The following DNAH12 variants were observed in gnomAD, a reference collection of about 807,000 sequenced individuals.
DNAH12 encodes the protein dynein axonemal heavy chain 12.
A neutral mutation model predicts 371.5 loss-of-function variants in DNAH12; 285 were observed. The observed-to-expected ratio is 0.77, with a 90% CI of 0.70 to 0.85. The LOEUF (loss-of-function observed/expected upper bound fraction) is 0.85, where lower values mean the gene tolerates loss of function less well. Among genes scored for constraint, DNAH12 ranks in the 40% least tolerant of loss-of-function variants. The probability of loss-of-function intolerance (pLI) is 0.00; values close to 1 mark genes in which losing one functional copy is unlikely to be tolerated. For synonymous variants in DNAH12, 1,200 were observed against 1,213.0 expected, an observed-to-expected ratio of 0.99 and a Z score of 0.22; for missense variants, 3,611 against 3,689.4, an observed-to-expected ratio of 0.98 and a Z score of 0.55.
intron 30 of DNAH12, among the ~76,000 whole-genome samples, chr3:57,435,373 C>CAAAAAAAAAAAAAAAAAAAAAAA (rs34515598): frequency 1.5e-4 from 14 of 94,746 alleles, no homozygotes; most frequent in South Asian, 3.7e-4. Flanking sequence ...CTCTGTCTCC[C>CAAAAAAAAAAAAAAAAAAAAAAA]AAAAAAAAAA....
rs916842549 is a variant in DNAH12, at chr3:57,523,943, C to T, written c.171-59G>A. On this transcript the variant is annotated intron_variant, in intron 2 of 73. Coordinates refer to ENST00000495027, the MANE Select transcript of DNAH12 (RefSeq NM_001366028.2). ...ATAACATTAGCATAAGTTACTAAAA[C>T]ATTACAATTTAAGCATTTTTCCAAC... 4.8e-6 allele frequency: 6 copies of T among 1,257,272 alleles called. No homozygotes were observed. In the South Asian group the frequency reaches 5.9e-5, roughly 12 times the overall value. The allele number at this position is 1,257,272 out of a possible 1,614,324, so 77.9% of individuals were successfully genotyped here. A position where few individuals can be genotyped will look rare whatever the true frequency, so the allele number is the denominator to read the frequency against.
intron 13 of DNAH12, among the ~76,000 whole-genome samples, chr3:57,474,578 G>T (rs148066194): frequency 1.9e-3 from 282 of 152,288 alleles, no homozygotes; most frequent in African/African-American, 5.7e-3. Flanking sequence ...TTTTAGGCAT[G>T]AGCCACTGTG....
chr3:57,317,765 G>A (rs1486768003), intron 65 of DNAH12, among the ~76,000 whole-genome samples: 1 of 152,068 alleles, frequency 6.6e-6, no homozygotes, highest in African/African-American at 2.4e-5. Context: ...CTTAATGGCT[G>A]CACCACTTTG....
chr3:57,299,495 G>GTT (rs139762284), intron 70 of DNAH12, among the ~76,000 whole-genome samples: 36 of 150,138 alleles, frequency 2.4e-4, no homozygotes, highest in African/African-American at 5.6e-4. Context: ...TGTGCAAAAA[G>GTT]TTTTTTTTTT....
intron 13 of DNAH12, among the ~76,000 whole-genome samples, chr3:57,474,283 A>G (rs2066454888): frequency 6.6e-6 from 1 of 152,208 alleles, no homozygotes; most frequent in Admixed American, 6.5e-5. Flanking sequence ...TTTAAAATAT[A>G]TAAAAATATT....
At chr3:57,337,815 C>A (rs1156432423) in intron 60 of DNAH12, among the ~76,000 whole-genome samples, 10 of 152,132 alleles carry the variant, frequency 6.6e-5, no homozygotes, top group Admixed American at 5.9e-4. Context: ...TTGGACAGAT[C>A]ATCTAGACAG....
At chr3:57,501,023 C>A (rs1334624165) in intron 11 of DNAH12, among the ~76,000 whole-genome samples, 1 of 152,206 alleles carries the variant, frequency 6.6e-6, no homozygotes, top group Admixed American at 6.5e-5. Context: ...TCAAGCAATC[C>A]TCTTGCCTTG....
intron 39 of DNAH12, among the ~76,000 whole-genome samples, chr3:57,413,250 G>T (rs1195020361): frequency 2.6e-5 from 4 of 152,128 alleles, no homozygotes; most frequent in African/African-American, 7.2e-5. Flanking sequence ...ACTATAGAGA[G>T]AAAAAGAAAT....
At chr3:57,415,323 T>C in intron 38 of DNAH12, 103 bp downstream of exon 38, 2 of 1,404,176 alleles carry the variant, frequency 1.4e-6, no homozygotes, top group Non-Finnish European at 9.5e-7. Context: ...AAGTTTTAAA[T>C]TCATAGATTT....
At chr3:57,455,380 G>T (rs2065874507) in intron 22 of DNAH12, among the ~76,000 whole-genome samples, 1 of 151,394 alleles carries the variant, frequency 6.6e-6, no homozygotes, top group African/African-American at 2.4e-5. Context: ...CCTGGCCAAT[G>T]TGGTGAAACC....
At chr3:57,439,659 A>T (rs1196632199) in intron 29 of DNAH12, among the ~76,000 whole-genome samples, 1 of 152,228 alleles carries the variant, frequency 6.6e-6, no homozygotes, top group East Asian at 1.9e-4. Flanking sequence ...CCTCAAAAGC[A>T]ATCGCTACAA....
intron 12 of DNAH12, among the ~76,000 whole-genome samples, chr3:57,488,809 C>T (rs2067021652): frequency 6.6e-6 from 1 of 152,008 alleles, no homozygotes; most frequent in African/African-American, 2.4e-5. Flanking sequence ...ATTGGTTGAG[C>T]ACTGGGTGAA....
chr3:57,527,403 A>G (rs959974088), intron 2 of DNAH12, among the ~76,000 whole-genome samples: 4 of 152,210 alleles, frequency 2.6e-5, no homozygotes, highest in Non-Finnish European at 4.4e-5. Context: ...TAAAGAAAAG[A>G]GGTTTAATTG....
At chr3:57,320,116 C>T (rs1174591045) in intron 65 of DNAH12, among the ~76,000 whole-genome samples, 1 of 152,142 alleles carries the variant, frequency 6.6e-6, no homozygotes, top group Non-Finnish European at 1.5e-5. Context: ...TTTAGTGAAT[C>T]AGAATTCCAG....
rs1245515452 is a variant in DNAH12 at position 57,357,185 on chromosome 3, A to G, written c.9524T>C (p.Ile3175Thr). Residue 3175 changes from isoleucine (I) to threonine (T), a missense_variant, in exon 59 of 74, where the codon ATT (isoleucine) becomes ACT (threonine). By Grantham distance (89) the Ile-to-Thr change is moderately conservative. This residue lies in a region of DNAH12 where 2,266 missense variants were observed against 2,236.9 expected (regional missense o/e 1.01). Coordinates refer to ENST00000495027, the MANE Select transcript of DNAH12 (RefSeq NM_001366028.2). ...GCGAGAGAATGTTTACCTGTCATGA[A>G]TAGAGTTGATATAAAGGTTCACAAA... ...TWFVNLYINS[I>T]HDSNKSKILE... 1.3e-5 allele frequency: 2 copies of G among 152,172 alleles called. No homozygotes were observed. The highest frequency in any genetic ancestry group is 4.8e-5 in the African/African-American group (2 of 41,450). The allele number at this position is 152,172 out of a possible 1,614,324, so 9.4% of individuals were successfully genotyped here.
intron 62 of DNAH12, among the ~76,000 whole-genome samples, chr3:57,329,947 A>C (rs1269013704): frequency 6.6e-6 from 1 of 152,062 alleles, no homozygotes; most frequent in Non-Finnish European, 1.5e-5. Flanking sequence ...ATGCAGCCAA[A>C]AAACACATGA....
intron 58 of DNAH12, among the ~76,000 whole-genome samples, chr3:57,361,824 A>G (rs1322126995): frequency 1.3e-5 from 2 of 152,090 alleles, no homozygotes; most frequent in Non-Finnish European, 2.9e-5. Context: ...TTACCAATCC[A>G]ATAATAATAA....
Position 57,386,591 on chromosome 3 carries a change from C to G in DNAH12, c.7452G>C (p.Glu2484Asp), listed in dbSNP as rs1180133240. ...IMDLSERFLH[E>D]LGRHNYVTAT... The stretch of plus-strand genomic sequence containing the variant: ...CAGTAACATAGTTATGTCGTCCTAA[C>G]TCATGCAAGAACCTAAAAGAGAGGC... The change falls in exon 47 of 74, where the codon GAG becomes GAC. Residue 2484 changes from glutamate to aspartate, a missense_variant. Coordinates refer to ENST00000495027, the MANE Select transcript of DNAH12 (RefSeq NM_001366028.2). 1 of 152,150 alleles carries G rather than the reference C, an allele frequency of 6.6e-6. No homozygotes were observed. Among genetic ancestry groups the G allele is most frequent in the African/African-American group, 2.4e-5 (1 of 41,440 alleles). 9.4% of individuals were successfully genotyped at this position (152,150 alleles called of 1,614,324 possible).
In DNAH12 at chr3:57,531,966, C is replaced by G. The variant is rs545752386; in HGVS notation, c.171-8082G>C. Among the ~76,000 whole-genome samples the G allele has an allele frequency of 2.0e-5, 3 of 152,140 alleles. No individual in the cohort carries two copies. The South Asian group carries it at 6.2e-4, about 32-fold the overall frequency. Reference sequence around the variant, plus strand: ...TACCTCCTCTTTAAGGCCAATTACTCTTAGATTTGCCCTTTGGAGGCTATT... The same window carrying G: ...TACCTCCTCTTTAAGGCCAATTACTGTTAGATTTGCCCTTTGGAGGCTATT... On this transcript the variant is annotated intron_variant, in intron 2 of 73. Transcript: ENST00000495027.
Sources: gnomAD v4.1 joint callset for allele counts (sites outside exome capture counted in the v4.1 genomes callset) on GRCh38, gnomAD v4.1.1 for gene constraint, gnomAD v4.1.1 regional missense constraint, MANE v1.5 for transcripts, NCBI Gene and HGNC (gene_info 2026-07-23, HGNC 2026-07-21) for gene names.